The following CADPS variants were observed in gnomAD, a reference collection of about 807,000 sequenced individuals.
CADPS encodes the protein calcium-dependent secretion activator 1.
In CADPS, 57 loss-of-function variants were observed where a neutral mutation model predicts 167.3. That is an observed-to-expected ratio of 0.34 (90% CI 0.28 to 0.42). The LOEUF is 0.42. CADPS is among the 20% of genes least tolerant of loss of function. CADPS has a pLI of 1.00. For missense variants in CADPS, 1,414 were observed against 1,738.1 expected (o/e 0.81, Z 3.32); for synonymous variants, 676 against 635.3 (o/e 1.06, Z -0.96).
chr3:62,705,171 T>C (rs1001264894), intron 3 of CADPS, among the ~76,000 whole-genome samples: 1 of 152,122 alleles, frequency 6.6e-6, no homozygotes, highest in Non-Finnish European at 1.5e-5. Context: ...TGAGTAACTC[T>C]CTCACCATTT....
chr3:62,847,529 TTTGG>T (rs2077722024), intron 1 of CADPS, among the ~76,000 whole-genome samples: 1 of 72,764 alleles, frequency 1.4e-5, no homozygotes, highest in Non-Finnish European at 2.7e-5. Flanking sequence ...ATATGCGGTG[TTTGG>T]TTTTTTGTTC....
intron 1 of CADPS, among the ~76,000 whole-genome samples, chr3:62,773,493 G>A (rs1284416149): frequency 6.6e-6 from 1 of 150,426 alleles, no homozygotes; most frequent in Non-Finnish European, 1.5e-5. Context: ...CGATGAGGCT[G>A]TTATCCTAGA....
chr3:62,504,206 T>G (rs2066235768), intron 17 of CADPS, among the ~76,000 whole-genome samples: 1 of 151,954 alleles, frequency 6.6e-6, no homozygotes, highest in Admixed American at 6.6e-5. Flanking sequence ...GGGAAAAAAA[T>G]GTGTGTAAAT....
intron 13 of CADPS, among the ~76,000 whole-genome samples, chr3:62,522,837 A>T (rs776412022): frequency 2.0e-5 from 3 of 152,132 alleles, no homozygotes; most frequent in Non-Finnish European, 4.4e-5. Context: ...CAAACTTGAG[A>T]CAATATGCAG....
chr3:62,609,921 C>T (rs2061256256), intron 6 of CADPS, among the ~76,000 whole-genome samples: 1 of 151,976 alleles, frequency 6.6e-6, no homozygotes, highest in Admixed American at 6.6e-5. Flanking sequence ...AATCCAATCT[C>T]TACAAAAAAT....
intron 3 of CADPS, among the ~76,000 whole-genome samples, chr3:62,743,388 G>C (rs992108775): frequency 2.6e-5 from 4 of 152,078 alleles, no homozygotes; most frequent in African/African-American, 9.7e-5. Context: ...ACAGAATTAA[G>C]CAGTTGTTAC....
At chr3:62,590,191 G>A (rs1026539501) in intron 7 of CADPS, among the ~76,000 whole-genome samples, 112 of 141,486 alleles carry the variant, frequency 7.9e-4, no homozygotes, top group Non-Finnish European at 1.2e-3. Flanking sequence ...TCCAGCTAAA[G>A]AAAAAAAAAA....
chr3:62,763,674 G>T (rs990954033), intron 2 of CADPS, among the ~76,000 whole-genome samples: 4 of 152,084 alleles, frequency 2.6e-5, no homozygotes, highest in South Asian at 2.1e-4. Flanking sequence ...AATCAACTTG[G>T]AGAGCTCCCA....
intron 17 of CADPS, among the ~76,000 whole-genome samples, chr3:62,507,357 TG>T (rs2066880371): frequency 6.6e-6 from 1 of 152,140 alleles, no homozygotes; most frequent in African/African-American, 2.4e-5. Context: ...ACACCTTGCT[TG>T]TTCCCTTTAC....
At chr3:62,802,696 A>G (rs764034600) in intron 1 of CADPS, among the ~76,000 whole-genome samples, 1 of 152,188 alleles carries the variant, frequency 6.6e-6, no homozygotes, top group African/African-American at 2.4e-5. Flanking sequence ...ATAAACAAAC[A>G]CTGATAGATT....
intron 3 of CADPS, among the ~76,000 whole-genome samples, chr3:62,699,213 G>C (rs2080940564): frequency 6.6e-6 from 1 of 151,814 alleles, no homozygotes; most frequent in African/African-American, 2.4e-5. Flanking sequence ...TTAAAAATCT[G>C]TTTTGTAGAG....
chr3:62,650,281 T>G (rs1391425846), intron 5 of CADPS, among the ~76,000 whole-genome samples: 1 of 152,202 alleles, frequency 6.6e-6, no homozygotes, highest in Non-Finnish European at 1.5e-5. Flanking sequence ...CATAGGTAGA[T>G]CAGAACTACT....
intron 9 of CADPS, among the ~76,000 whole-genome samples, chr3:62,567,538 C>T (rs833662): frequency 0.63 from 88,935 of 141,394 alleles, 30,841 homozygotes; most frequent in Non-Finnish European, 0.75. Flanking sequence ...CACTGAGGGG[C>T]GAGAACCATC....
intron 13 of CADPS, among the ~76,000 whole-genome samples, chr3:62,521,772 G>A (rs963662426): frequency 8.5e-5 from 13 of 152,124 alleles, no homozygotes; most frequent in Admixed American, 6.6e-4. Flanking sequence ...GGATTTGGAG[G>A]AGTGGCCTCA....
chr3:62,437,011 C>A (rs1206917638), intron 28 of CADPS, among the ~76,000 whole-genome samples: 1 of 151,452 alleles, frequency 6.6e-6, no homozygotes, highest in Non-Finnish European at 1.5e-5. Context: ...CACACACATA[C>A]ACACACACAC....
intron 3 of CADPS, among the ~76,000 whole-genome samples, chr3:62,735,927 T>C (rs1232625396): frequency 6.6e-6 from 1 of 152,176 alleles, no homozygotes; most frequent in East Asian, 1.9e-4. Context: ...CCGGGTCTCT[T>C]AGGTTATAGC....
At chr3:62,604,702 G>A (rs868382016) in intron 6 of CADPS, among the ~76,000 whole-genome samples, 16 of 152,350 alleles carry the variant, frequency 1.1e-4, no homozygotes, top group Admixed American at 2.6e-4. Context: ...CCCCTTTGTT[G>A]TAAAAGGAGG....
Position 62,530,858 on chromosome 3 carries a change from A to C in CADPS, c.2291+2013T>G, listed in dbSNP as rs535244267. ...CATGAGGCATGCACAGAGTGTGGCC[A>C]GCCATAGGAGAATCAAGAGCACACG... On this transcript the variant is annotated intron_variant, in intron 13 of 29. Coordinates refer to ENST00000383710, the MANE Select transcript of CADPS (RefSeq NM_003716.4). 97 of 1,072,132 alleles carry C rather than the reference A, an allele frequency of 9.0e-5. 2 individuals carry two copies. The highest frequency in any genetic ancestry group is 4.3e-4 in the Admixed American group (10 of 23,190). 66.4% of individuals were successfully genotyped at this position (1,072,132 alleles called of 1,614,324 possible).
In CADPS at chr3:62,578,204, T is replaced by A. The variant is rs1205680881; in HGVS notation, c.1577+6981A>T. On this transcript the variant is annotated intron_variant, in intron 8 of 29. Coordinates refer to ENST00000383710, the MANE Select transcript of CADPS (RefSeq NM_003716.4). ...TGCTAACACTTTTTTTTTTTTTTTTTACAAAAAAGGCTGGAGGGGCTATAT... is the reference window on the plus strand; with the variant it reads ...TGCTAACACTTTTTTTTTTTTTTTTAACAAAAAAGGCTGGAGGGGCTATAT... Among the ~76,000 whole-genome samples, 24 of 119,672 alleles carry A rather than the reference T, an allele frequency of 2.0e-4. 1 individual carries two copies. The highest frequency in any genetic ancestry group is 6.6e-4 in the African/African-American group (22 of 33,228). 78.5% of individuals were successfully genotyped at this position (119,672 alleles called of 152,430 possible). A position where few individuals can be genotyped will look rare whatever the true frequency, so the allele number is the denominator to read the frequency against.
Sources: allele counts gnomAD v4.1 joint callset (sites outside exome capture counted in the v4.1 genomes callset), GRCh38; gene constraint gnomAD v4.1.1; transcripts MANE v1.5; gene names NCBI Gene and HGNC (gene_info 2026-07-23, HGNC 2026-07-21).